TENT4B: variants seen among roughly 807,000 people sequenced by gnomAD.
TENT4B encodes the protein PAP associated domain containing 5.
A neutral mutation model predicts 75.0 loss-of-function variants in TENT4B; 10 were observed. That is an observed-to-expected ratio of 0.13 (90% confidence interval 0.08 to 0.23). TENT4B has a LOEUF of 0.23. Ranked by LOEUF, TENT4B falls within the 10% of genes least tolerant of loss-of-function variation. TENT4B has a pLI of 1.00. For missense variants in TENT4B, 579 were observed against 893.8 expected, an observed-to-expected ratio of 0.65 and a Z score of 4.49; for synonymous variants, 350 against 357.7, an observed-to-expected ratio of 0.98 and a Z score of 0.24.
chr16:50,215,055 T>C (rs1263220268), intron 3 of TENT4B, among the ~76,000 whole-genome samples: 1 of 152,228 alleles, frequency 6.6e-6, no homozygotes, highest in African/African-American at 2.4e-5. Flanking sequence ...GAGAAAGATC[T>C]TGGCCTTTCA....
chr16:50,178,163 T>TA (rs1287530057), intron 1 of TENT4B, among the ~76,000 whole-genome samples: 3 of 147,972 alleles, frequency 2.0e-5, no homozygotes, highest in Non-Finnish European at 4.5e-5. Context: ...TTTTTTTTTT[T>TA]AAAGAAAAGC....
intron 1 of TENT4B, among the ~76,000 whole-genome samples, chr16:50,197,160 C>T (rs1369509574): frequency 6.6e-6 from 1 of 151,676 alleles, no homozygotes; most frequent in South Asian, 2.1e-4. Flanking sequence ...CTTTGGTAAA[C>T]TTGGAATATA....
At chr16:50,206,873 T>G (rs1454681813) in intron 1 of TENT4B, among the ~76,000 whole-genome samples, 1 of 151,768 alleles carries the variant, frequency 6.6e-6, no homozygotes, top group Non-Finnish European at 1.5e-5. Context: ...GCTGGATTCC[T>G]TTTCTGTAGC....
chr16:50,177,201 C>T (rs2541709), intron 1 of TENT4B, among the ~76,000 whole-genome samples: 31,434 of 151,758 alleles, frequency 0.21, 3,934 homozygotes, highest in South Asian at 0.28. Flanking sequence ...TGGGGTTTCA[C>T]TATGTGGGCC....
At chr16:50,215,671 C>T (rs2031515085) in intron 3 of TENT4B, among the ~76,000 whole-genome samples, 2 of 152,186 alleles carry the variant, frequency 1.3e-5, no homozygotes, top group Admixed American at 1.3e-4. Flanking sequence ...TGGTAGCATG[C>T]TGGATACCTG....
intron 1 of TENT4B, among the ~76,000 whole-genome samples, chr16:50,180,664 G>A (rs1222081969): frequency 6.6e-6 from 1 of 150,566 alleles, no homozygotes; most frequent in Non-Finnish European, 1.5e-5. Context: ...AGGCAAGATC[G>A]TGCCCCTGCA....
At chr16:50,162,078 C>A (rs958526314) in intron 1 of TENT4B, among the ~76,000 whole-genome samples, 1 of 152,020 alleles carries the variant, frequency 6.6e-6, no homozygotes, top group Non-Finnish European at 1.5e-5. Context: ...GGCTTTTTTT[C>A]TTTTACCATA....
intron 1 of TENT4B, among the ~76,000 whole-genome samples, chr16:50,170,634 A>G (rs1351271210): frequency 1.3e-5 from 2 of 151,650 alleles, no homozygotes; most frequent in African/African-American, 4.9e-5. Context: ...AAGTCAGTAG[A>G]CAAAGCTATC....
intron 1 of TENT4B, among the ~76,000 whole-genome samples, chr16:50,194,933 T>C (rs113177857): frequency 0.026 from 3,901 of 152,014 alleles, 52 homozygotes; most frequent in South Asian, 0.05. Context: ...TATTTTTTAG[T>C]AGAGACGGGG....
At chr16:50,198,119 TAAA>T (rs10682302) in intron 1 of TENT4B, among the ~76,000 whole-genome samples, 9 of 134,150 alleles carry the variant, frequency 6.7e-5, no homozygotes, top group Middle Eastern at 3.7e-3. Context: ...AAAATATAAT[TAAA>T]AAAAAAAAAA....
chr16:50,205,897 A>G (rs951345569), intron 1 of TENT4B, among the ~76,000 whole-genome samples: 2 of 152,034 alleles, frequency 1.3e-5, no homozygotes, highest in Non-Finnish European at 2.9e-5. Flanking sequence ...GCCCCTGCAC[A>G]TGTCTAACGC....
chr16:50,187,728 T>G (rs2038559694), intron 1 of TENT4B, among the ~76,000 whole-genome samples: 1 of 151,854 alleles, frequency 6.6e-6, no homozygotes, highest in Non-Finnish European at 1.5e-5. Context: ...TTATGTTACT[T>G]AGGAATGCAC....
At chr16:50,212,688 TCAGTGGTTCTC>T (rs2150735482) in intron 2 of TENT4B, among the ~76,000 whole-genome samples, 1 of 152,228 alleles carries the variant, frequency 6.6e-6, no homozygotes, top group Admixed American at 6.5e-5. Context: ...GTGATCCAAA[TCAGTGGTTCTC>T]AGCTAGTGGC....
intron 1 of TENT4B, among the ~76,000 whole-genome samples, chr16:50,184,475 T>C (rs1301380188): frequency 6.6e-6 from 1 of 152,198 alleles, no homozygotes; most frequent in South Asian, 2.1e-4. Context: ...GAGACCATCC[T>C]GGCTAACACG....
intron 1 of TENT4B, among the ~76,000 whole-genome samples, chr16:50,161,917 A>G (rs908095368): frequency 2.0e-5 from 3 of 152,054 alleles, no homozygotes; most frequent in African/African-American, 7.2e-5. Context: ...CTATAGTTCT[A>G]TATACAGAGC....
chr16:50,197,654 G>T (rs958574440), intron 1 of TENT4B, among the ~76,000 whole-genome samples: 5 of 152,198 alleles, frequency 3.3e-5, no homozygotes, highest in Admixed American at 3.3e-4. Flanking sequence ...TAGGTTCAGA[G>T]ACTCCAGCAC....
intron 1 of TENT4B, among the ~76,000 whole-genome samples, chr16:50,187,163 G>C (rs1274485104): frequency 6.6e-6 from 1 of 152,172 alleles, no homozygotes; most frequent in Non-Finnish European, 1.5e-5. Flanking sequence ...ATATCTAAGA[G>C]ACCATTGCCA....
chr16:50,215,230 TA>T (rs1303640304), intron 3 of TENT4B, among the ~76,000 whole-genome samples: 1 of 152,194 alleles, frequency 6.6e-6, no homozygotes, highest in Admixed American at 6.5e-5. Context: ...ATTATTACCT[TA>T]AATTTTAATC....
chr16:50,188,227 G>A (rs1469331176), intron 1 of TENT4B, among the ~76,000 whole-genome samples: 1 of 152,176 alleles, frequency 6.6e-6, no homozygotes, highest in African/African-American at 2.4e-5. Flanking sequence ...TTTGGAGGCC[G>A]TGGCAGATTT....
Sources: allele counts gnomAD v4.1 joint callset (sites outside exome capture counted in the v4.1 genomes callset), GRCh38; gene constraint gnomAD v4.1.1; transcripts MANE v1.5; gene names NCBI Gene and HGNC (gene_info 2026-07-23, HGNC 2026-07-21).